The following PVALEF variants were observed in gnomAD, a reference collection of about 807,000 sequenced individuals.
PVALEF encodes parvalbumin like EF-hand containing.
A neutral mutation model predicts 1.2 loss-of-function variants in PVALEF; 2 were observed. The ratio of observed to expected loss-of-function variants is 1.68; its 90% confidence interval spans 0.69 to 5.28. PVALEF has a LOEUF of 5.28. Among genes scored for constraint, PVALEF ranks in the 30% most tolerant of loss-of-function variants. The pLI, the probability that PVALEF is intolerant of heterozygous loss-of-function variation, is 0.06. For missense variants in PVALEF, 35 were observed against 17.7 expected (o/e 1.97, Z -1.75); for synonymous variants, 16 against 6.5 (o/e 2.47, Z -2.24).
At chr17:81,175,673 C>T (rs2061533983) in intron 2 of PVALEF, among the ~76,000 whole-genome samples, 1 of 152,254 alleles carries the variant, frequency 6.6e-6, no homozygotes, top group African/African-American at 2.4e-5. Flanking sequence ...GGTGCCAAGA[C>T]CATTCAATGG....
At chr17:81,178,293 G>C (rs1479448064) in intron 2 of PVALEF, among the ~76,000 whole-genome samples, 1 of 152,026 alleles carries the variant, frequency 6.6e-6, no homozygotes, top group African/African-American at 2.4e-5. Flanking sequence ...AGAAAGCCAG[G>C]CCCCCCCGAC....
intron 1 of PVALEF, 69 bp downstream of exon 1, chr17:81,165,816 T>C: frequency 6.6e-7 from 1 of 1,506,550 alleles, no homozygotes; most frequent in Non-Finnish European, 8.9e-7. Flanking sequence ...CTGCTTCTGC[T>C]GCTGGGCTCG....
rs184431416 is a variant in PVALEF, at chr17:81,182,493, G to A, written c.358+412G>A. Among the ~76,000 whole-genome samples, 327 of 152,328 alleles carry A rather than the reference G, an allele frequency of 2.1e-3. 4 individuals carry two copies. Among genetic ancestry groups the A allele is most frequent in the South Asian group, 7.0e-3 (34 of 4,830 alleles). The stretch of plus-strand genomic sequence containing the variant: ...TCCAGACACCGCTTGCCCAGCCACC[G>A]GCCGTTCTCATCTGCCTGGGTCTAG... On this transcript the variant is annotated intron_variant, in intron 6 of 6. Transcript: ENST00000637878.
At chr17:81,179,864 T>G (rs1478481615) in intron 3 of PVALEF, among the ~76,000 whole-genome samples, 3 of 152,116 alleles carry the variant, frequency 2.0e-5, no homozygotes, top group Admixed American at 6.5e-5. Flanking sequence ...CTCCAGGATC[T>G]CTAGCTGTGG....
intron 2 of PVALEF, among the ~76,000 whole-genome samples, chr17:81,168,550 G>A (rs1255069385): frequency 6.6e-6 from 1 of 152,194 alleles, no homozygotes. Flanking sequence ...GCTGGGACAG[G>A]ATCAGTGAGC....
intron 2 of PVALEF, among the ~76,000 whole-genome samples, chr17:81,175,722 T>C (rs2061534149): frequency 2.6e-5 from 4 of 152,202 alleles, no homozygotes; most frequent in African/African-American, 9.7e-5. Flanking sequence ...CTGGGAAAAC[T>C]AGATGTCCAC....
intron 2 of PVALEF, among the ~76,000 whole-genome samples, chr17:81,178,568 T>C (rs1160690941): frequency 6.6e-6 from 1 of 152,082 alleles, no homozygotes; most frequent in Non-Finnish European, 1.5e-5. Context: ...GGCTGTGCTG[T>C]GCCCCTTCCA....
chr17:81,167,803 G>A (rs2061503948), intron 2 of PVALEF, among the ~76,000 whole-genome samples: 1 of 152,238 alleles, frequency 6.6e-6, no homozygotes, highest in Non-Finnish European at 1.5e-5. Flanking sequence ...CCGCCAGGCT[G>A]CCGTTGCAGG....
chr17:81,175,893 G>A (rs2061534526), intron 2 of PVALEF, among the ~76,000 whole-genome samples: 1 of 152,108 alleles, frequency 6.6e-6, no homozygotes, highest in African/African-American at 2.4e-5. Flanking sequence ...TGACAGCAAA[G>A]GCACAGGCAA....
chr17:81,180,825 G>C (rs1256675952), intron 3 of PVALEF, among the ~76,000 whole-genome samples: 4 of 152,128 alleles, frequency 2.6e-5, no homozygotes, highest in African/African-American at 7.2e-5. Context: ...CGTTCCAGAA[G>C]GCTCTACCAC....
chr17:81,168,885 C>A (rs2061508458), intron 2 of PVALEF, among the ~76,000 whole-genome samples: 1 of 152,156 alleles, frequency 6.6e-6, no homozygotes, highest in Non-Finnish European at 1.5e-5. Context: ...TATGCCCATC[C>A]ACAGATAAAC....
At position 81,171,266 on chromosome 17, in the gene PVALEF, G is replaced by T. The variant is rs112790577; in HGVS notation, c.-340+4422G>T. ...ATGAAGCCGAAAGGGCCGCCCAGGG[G>T]ACAGGCCATCTGTCAGCTCAGGGCA... On this transcript the variant is annotated intron_variant, in intron 2 of 6. Coordinates refer to ENST00000637878, the MANE Select transcript of PVALEF (RefSeq NM_001354639.2). Among the ~76,000 whole-genome samples, 807 of 152,288 alleles carry T rather than the reference G, an allele frequency of 5.3e-3. 13 individuals carry two copies. The highest frequency in any genetic ancestry group is 9.3e-3 in the Non-Finnish European group (632 of 68,002).
chr17:81,175,254 C>T (rs1489797967), intron 2 of PVALEF, among the ~76,000 whole-genome samples: 7 of 152,164 alleles, frequency 4.6e-5, no homozygotes, highest in African/African-American at 1.7e-4. Flanking sequence ...AACTACAAAA[C>T]ATGGCTGAAA....
rs560680085 is a variant in PVALEF at position 81,174,574 on chromosome 17, G to A, written c.-339-4344G>A. 2.6e-5 allele frequency among the ~76,000 whole-genome samples: 4 copies of A among 151,636 alleles called. No individual in the cohort carries two copies. The South Asian group carries it at 8.3e-4, about 31-fold the overall frequency. On this transcript the variant is annotated intron_variant, in intron 2 of 6. Coordinates refer to ENST00000637878, the MANE Select transcript of PVALEF (RefSeq NM_001354639.2). ...GAACCCGGGAGGCAGAGGTTGCAGT[G>A]AGCCAAGATCACACCACTGCACTCC...
rs1032308011 is a variant in PVALEF, at chr17:81,179,064, G to T, written c.-193G>T. On this transcript the variant is annotated 5_prime_UTR_variant, in exon 3 of 7. Coordinates refer to ENST00000637878, the MANE Select transcript of PVALEF (RefSeq NM_001354639.2). ...AGCTGCAGCCCCGAGATGTAAACAG[G>T]CTTGCAGGTATAAAAGCTGGAGCCC... The T allele has an allele frequency of 2.2e-6, 1 of 455,172 alleles. No homozygotes were observed. Among genetic ancestry groups the T allele is most frequent in the Admixed American group, 2.4e-5 (1 of 42,398 alleles). The allele number at this position is 455,172 out of a possible 1,614,324, so 28.2% of individuals were successfully genotyped here. A position where few individuals can be genotyped will look rare whatever the true frequency, so the allele number is the denominator to read the frequency against.
intron 1 of PVALEF, chr17:81,166,136 C>T (rs2061488363): frequency 3.3e-6 from 1 of 301,242 alleles, no homozygotes; most frequent in Non-Finnish European, 4.8e-6. Flanking sequence ...CCGCCGCAGC[C>T]GCAGAGCCCG....
At chr17:81,166,210 C>G (rs1218671998) in intron 1 of PVALEF, 1 of 144,260 alleles carries the variant, frequency 6.9e-6, no homozygotes, top group Non-Finnish European at 1.4e-5. Context: ...CGGGGCTCCG[C>G]TGGTGCAGTC....
chr17:81,173,210 C>T (rs1221246981), intron 2 of PVALEF, among the ~76,000 whole-genome samples: 1 of 152,170 alleles, frequency 6.6e-6, no homozygotes, highest in Non-Finnish European at 1.5e-5. Flanking sequence ...TTCCAGGGCC[C>T]TTATTTTAGG....
chr17:81,178,679 T>A (rs1362376608), intron 2 of PVALEF, among the ~76,000 whole-genome samples: 1 of 151,502 alleles, frequency 6.6e-6, no homozygotes, highest in Non-Finnish European at 1.5e-5. Flanking sequence ...GCACCAGAGC[T>A]GGGGGGGGCA....
Sources: allele counts gnomAD v4.1 joint callset (sites outside exome capture counted in the v4.1 genomes callset), GRCh38; gene constraint gnomAD v4.1.1; transcripts MANE v1.5; gene names NCBI Gene and HGNC (gene_info 2026-07-23, HGNC 2026-07-21).